Variants in RYR3 observed in about 807,000 individuals in gnomAD.
The protein encoded by RYR3 is brain ryanodine receptor-calcium release channel.
RYR3 carries 207 observed loss-of-function variants against 584.3 expected under a neutral mutation model. The ratio of observed to expected loss-of-function variants is 0.35; its 90% CI spans 0.32 to 0.40. RYR3 has a LOEUF of 0.40. Ranked by LOEUF, RYR3 falls within the 10% of genes least tolerant of loss-of-function variation. RYR3 has a pLI of 1.00. For synonymous variants in RYR3, 2,416 were observed against 2,248.5 expected, an observed-to-expected ratio of 1.07 and a Z score of -2.11; for missense variants, 5,616 against 6,089.2, an observed-to-expected ratio of 0.92 and a Z score of 2.59.
At chr15:33,551,432 T>G (rs1413571731) in intron 10 of RYR3, among the ~76,000 whole-genome samples, 1 of 152,220 alleles carries the variant, frequency 6.6e-6, no homozygotes, top group African/African-American at 2.4e-5. Context: ...TGCTTCCTAA[T>G]GCACCTGAAG....
chr15:33,444,153 G>T (rs140773674), intron 1 of RYR3, among the ~76,000 whole-genome samples: 2 of 152,186 alleles, frequency 1.3e-5, no homozygotes, highest in African/African-American at 4.8e-5. Context: ...CATTTCATGG[G>T]TTCCCTGTGG....
intron 91 of RYR3, among the ~76,000 whole-genome samples, chr15:33,842,344 G>A (rs1034185936): frequency 1.3e-5 from 2 of 152,138 alleles, no homozygotes; most frequent in African/African-American, 4.8e-5. Flanking sequence ...TATTATGTGG[G>A]GACTTAGCCA....
At chr15:33,819,885 T>G in intron 77 of RYR3, 78 bp downstream of exon 77, 1 of 1,118,278 alleles carries the variant, frequency 8.9e-7, no homozygotes, top group South Asian at 1.5e-5. Flanking sequence ...AAAATTGTCA[T>G]GTTGAATAGC....
At position 33,589,766 on chromosome 15, in the gene RYR3, G is replaced by A. The variant is rs532650744; in HGVS notation, c.1788+3650G>A. Among the ~76,000 whole-genome samples the A allele has an allele frequency of 7.9e-5, 12 of 152,280 alleles. No homozygotes were observed. In the South Asian group the frequency reaches 2.3e-3, roughly 29 times the overall value. ...TTGTTGACTTTGTCAGAAATCAGTTGGCTATAGCTATGTGGCTTTATTTCT... is the reference window on the plus strand; with the variant it reads ...TTGTTGACTTTGTCAGAAATCAGTTAGCTATAGCTATGTGGCTTTATTTCT... On this transcript the variant is annotated intron_variant, in intron 16 of 103. Transcript: ENST00000634891.
intron 1 of RYR3, among the ~76,000 whole-genome samples, chr15:33,321,706 A>G (rs1219507934): frequency 6.6e-6 from 1 of 151,986 alleles, no homozygotes; most frequent in Non-Finnish European, 1.5e-5. Context: ...TAATAATAAT[A>G]CAAAAAAACT....
chr15:33,316,459 A>G (rs539121079), intron 1 of RYR3, among the ~76,000 whole-genome samples: 18 of 152,186 alleles, frequency 1.2e-4, no homozygotes, highest in Non-Finnish European at 2.4e-4. Flanking sequence ...ACAAGTTCAT[A>G]TCAGTATAAA....
chr15:33,724,150 C>T lies in RYR3; in HGVS notation c.6886C>T (p.Leu2296=), dbSNP rs1204903519. Residue 2296 remains leucine (L), a synonymous_variant, in exon 45 of 104, where the codon CTG becomes TTG. Transcript: ENST00000634891. ...ATTTTATTCGGCCCTTATAGATCTA[C>T]TGGGCCGCTGTGCTCCTGAAATGCA... ...MSFYSALIDL[L]GRCAPEMHLI... The T allele has an allele frequency of 1.2e-6, 2 of 1,607,982 alleles. No homozygotes were observed. Among genetic ancestry groups the T allele is most frequent in the Non-Finnish European group, 1.7e-6 (2 of 1,174,974 alleles).
intron 1 of RYR3, among the ~76,000 whole-genome samples, chr15:33,387,662 C>CAAA (rs35447627): frequency 2.3e-3 from 324 of 139,876 alleles, no homozygotes; most frequent in African/African-American, 7.2e-3. Flanking sequence ...AATGACCTCA[C>CAAA]AAAAAAAAAA....
Position 33,603,117 on chromosome 15 carries a change from T to C in RYR3, c.1923-6T>C. 6.2e-7 allele frequency: 1 copy of C among 1,613,726 alleles called. No individual in the cohort carries two copies. Among genetic ancestry groups the C allele is most frequent in the Non-Finnish European group, 8.5e-7 (1 of 1,179,708 alleles). Reference sequence around the variant, plus strand: ...GTAGATGCCACTTGCCCATGTTTACTTTCAGTATCCGGCCAAACATCTTCC... The same window carrying C: ...GTAGATGCCACTTGCCCATGTTTACCTTCAGTATCCGGCCAAACATCTTCC... On this transcript the variant is annotated splice_polypyrimidine_tract_variant and splice_region_variant and intron_variant, in intron 17 of 103. Transcript: ENST00000634891.
intron 45 of RYR3, among the ~76,000 whole-genome samples, chr15:33,726,177 T>C (rs2068438147): frequency 6.6e-6 from 1 of 152,130 alleles, no homozygotes; most frequent in Non-Finnish European, 1.5e-5. Context: ...GCAACGTCTT[T>C]AGTCAGTTAT....
intron 1 of RYR3, among the ~76,000 whole-genome samples, chr15:33,328,384 A>AC (rs1314320446): frequency 6.6e-6 from 1 of 152,108 alleles, no homozygotes; most frequent in Non-Finnish European, 1.5e-5. Flanking sequence ...TAAGTGGGCC[A>AC]CCCATCATAG....
chr15:33,750,786 A>G (rs1171714883), intron 57 of RYR3, among the ~76,000 whole-genome samples: 2 of 152,164 alleles, frequency 1.3e-5, no homozygotes, highest in Non-Finnish European at 2.9e-5. Flanking sequence ...GGTTTGTTAC[A>G]TAGGTATACA....
chr15:33,566,706 A>G lies in RYR3; in HGVS notation c.1175A>G (p.Asp392Gly). 6.2e-7 allele frequency: 1 copy of G among 1,613,714 alleles called. No individual in the cohort carries two copies. Among genetic ancestry groups the G allele is most frequent in the Non-Finnish European group, 8.5e-7 (1 of 1,179,668 alleles). ...KVILHQEGHMDDGLTLQRCQR... is the reference protein window; with the variant it reads ...KVILHQEGHMGDGLTLQRCQR... ...ATACTCCATCAGGAAGGCCACATGG[A>G]TGATGGATTAACACTGCAGAGATGC... Residue 392 changes from aspartate (D) to glycine (G), a missense_variant, in exon 12 of 104, where the codon GAT (aspartate) becomes GGT (glycine). Transcript: ENST00000634891.
At chr15:33,479,955 A>G (rs2049809916) in intron 2 of RYR3, among the ~76,000 whole-genome samples, 1 of 152,240 alleles carries the variant, frequency 6.6e-6, no homozygotes, top group Non-Finnish European at 1.5e-5. Context: ...CTAATATTTT[A>G]CAATATAAAT....
At chr15:33,767,371 A>C (rs1049647803) in intron 60 of RYR3, among the ~76,000 whole-genome samples, 4 of 152,220 alleles carry the variant, frequency 2.6e-5, no homozygotes, top group African/African-American at 9.6e-5. Context: ...ATTTCACCCT[A>C]GATGGCTGCC....
At chr15:33,815,139 G>C (rs754445940) in intron 74 of RYR3, among the ~76,000 whole-genome samples, 1 of 150,948 alleles carries the variant, frequency 6.6e-6, no homozygotes, top group Non-Finnish European at 1.5e-5. Flanking sequence ...TCAAGAAACA[G>C]ATTACTATCT....
chr15:33,849,055 C>G (rs1249007430), intron 94 of RYR3: 2 of 152,354 alleles, frequency 1.3e-5, no homozygotes, highest in Non-Finnish European at 2.9e-5. Flanking sequence ...CCAGGATGGT[C>G]TCGATCTCCT....
intron 25 of RYR3, 73 bp from the exon 26 acceptor site, chr15:33,635,541 C>A: frequency 8.8e-7 from 1 of 1,132,324 alleles, no homozygotes; most frequent in Non-Finnish European, 1.3e-6. Context: ...TTGAGTAGTG[C>A]TACCTAATTA....
At chr15:33,522,990 G>A (rs1451190508) in intron 3 of RYR3, among the ~76,000 whole-genome samples, 1 of 152,154 alleles carries the variant, frequency 6.6e-6, no homozygotes, top group East Asian at 1.9e-4. Flanking sequence ...TTCCTTTGGT[G>A]TCATTTGAGC....
Sources: gnomAD v4.1 joint callset for allele counts (sites outside exome capture counted in the v4.1 genomes callset) on GRCh38, gnomAD v4.1.1 for gene constraint, MANE v1.5 for transcripts, NCBI Gene and HGNC (gene_info 2026-07-23, HGNC 2026-07-21) for gene names.